Variants in CALCR observed in about 807,000 individuals in gnomAD.
CALCR encodes calcitonin receptor.
Under a neutral mutation model 59.5 loss-of-function variants are expected in CALCR, and 47 were observed. That is an observed-to-expected ratio of 0.79 (90% CI 0.63 to 1.01). The LOEUF (loss-of-function observed/expected upper bound fraction) is 1.01. Ranked by LOEUF, CALCR falls within the 50% of genes least tolerant of loss-of-function variation. The pLI, the probability that CALCR is intolerant of heterozygous loss-of-function variation, is 0.00. For missense variants in CALCR, 566 were observed against 597.1 expected (o/e 0.95, Z 0.54); for synonymous variants, 213 against 211.3 (o/e 1.01, Z -0.07).
intron 2 of CALCR, among the ~76,000 whole-genome samples, chr7:93,561,024 C>T (rs555804543): frequency 5.2e-4 from 79 of 152,216 alleles, no homozygotes; most frequent in East Asian, 1.9e-4. Flanking sequence ...TTACAATCCA[C>T]GAAATAATCC....
chr7:93,525,968 T>C (rs924862127), intron 2 of CALCR, among the ~76,000 whole-genome samples: 5 of 152,184 alleles, frequency 3.3e-5, no homozygotes, highest in African/African-American at 1.2e-4. Flanking sequence ...CACTATCACT[T>C]GTAGACATTT....
chr7:93,442,741 G>A (rs1799933853), intron 9 of CALCR, among the ~76,000 whole-genome samples: 3 of 152,202 alleles, frequency 2.0e-5, no homozygotes, highest in Admixed American at 2.0e-4. Context: ...ATCATGTGGG[G>A]TGGATGTGGT....
chr7:93,553,366 C>T (rs753028094), intron 2 of CALCR, among the ~76,000 whole-genome samples: 6 of 152,034 alleles, frequency 3.9e-5, no homozygotes, highest in Non-Finnish European at 5.9e-5. Flanking sequence ...GGACAGGATC[C>T]TTTAACAGAC....
intron 8 of CALCR, among the ~76,000 whole-genome samples, chr7:93,456,720 A>G (rs1230067370): frequency 6.6e-6 from 1 of 152,144 alleles, no homozygotes; most frequent in African/African-American, 2.4e-5. Flanking sequence ...TAAAACCAGC[A>G]AGTCTGTTAG....
intron 2 of CALCR, among the ~76,000 whole-genome samples, chr7:93,487,809 T>C (rs1800981771): frequency 6.6e-6 from 1 of 151,270 alleles, no homozygotes; most frequent in Non-Finnish European, 1.5e-5. Flanking sequence ...TTGCACTATA[T>C]CTACTGTATT....
intron 2 of CALCR, among the ~76,000 whole-genome samples, chr7:93,548,891 T>C (rs998573420): frequency 6.6e-6 from 1 of 150,714 alleles, no homozygotes; most frequent in South Asian, 2.1e-4. Flanking sequence ...TGTGTGTGTG[T>C]ATGAATTTCA....
chr7:93,427,109 G>A (rs953843278), intron 13 of CALCR, among the ~76,000 whole-genome samples: 1 of 152,204 alleles, frequency 6.6e-6, no homozygotes, highest in Non-Finnish European at 1.5e-5. Flanking sequence ...TCTGGTTAAT[G>A]CCATGACAAC....
intron 2 of CALCR, among the ~76,000 whole-genome samples, chr7:93,542,832 T>C (rs913921790): frequency 2.6e-5 from 4 of 152,146 alleles, no homozygotes; most frequent in Non-Finnish European, 4.4e-5. Context: ...TTTTCTACCT[T>C]CATATCTTAT....
chr7:93,522,583 ATTATTTCTACAATAAT>A (rs1801787437), intron 2 of CALCR, among the ~76,000 whole-genome samples: 1 of 152,182 alleles, frequency 6.6e-6, no homozygotes, highest in South Asian at 2.1e-4. Context: ...GCAGGGTAAA[ATTATTTCTACAATAAT>A]TTATTTCTAC....
intron 6 of CALCR, among the ~76,000 whole-genome samples, chr7:93,470,143 C>G (rs911548777): frequency 6.6e-6 from 1 of 151,674 alleles, no homozygotes; most frequent in Non-Finnish European, 1.5e-5. Flanking sequence ...ATACCACTCT[C>G]TTAATAGCAC....
At chr7:93,515,293 A>C (rs1179037513) in intron 2 of CALCR, among the ~76,000 whole-genome samples, 1 of 152,018 alleles carries the variant, frequency 6.6e-6, no homozygotes, top group African/African-American at 2.4e-5. Context: ...TGAAGCAAAC[A>C]GCATGAAGTT....
At position 93,508,816 on chromosome 7, in the gene CALCR, T is replaced by C. The variant is rs1801483001; in HGVS notation, c.-26-21809A>G. Among the ~76,000 whole-genome samples the C allele has an allele frequency of 2.6e-5, 4 of 152,142 alleles. No homozygotes were observed. In the South Asian group the frequency reaches 8.3e-4, roughly 31 times the overall value. ...GAGGAAGTGGGAGATTTGGAATTTATACTTGGTCTGTAAGATCTTACTGTC... is the reference window on the plus strand; with the variant it reads ...GAGGAAGTGGGAGATTTGGAATTTACACTTGGTCTGTAAGATCTTACTGTC... On this transcript the variant is annotated intron_variant, in intron 2 of 13. Transcript: ENST00000426151.
intron 2 of CALCR, among the ~76,000 whole-genome samples, chr7:93,505,955 C>T (rs1255518757): frequency 6.6e-6 from 1 of 152,142 alleles, no homozygotes; most frequent in East Asian, 1.9e-4. Context: ...GTAAACATCA[C>T]ACCTGGTCCA....
At chr7:93,442,300 T>C (rs1185715758) in intron 9 of CALCR, among the ~76,000 whole-genome samples, 2 of 152,178 alleles carry the variant, frequency 1.3e-5, no homozygotes, top group Non-Finnish European at 2.9e-5. Context: ...AACCAAATAA[T>C]TGTAGCATCA....
intron 2 of CALCR, among the ~76,000 whole-genome samples, chr7:93,543,663 A>C (rs1203211572): frequency 7.8e-6 from 1 of 128,008 alleles, no homozygotes; most frequent in Non-Finnish European, 1.9e-5. Context: ...ATATATATAT[A>C]TACACACACA....
intron 2 of CALCR, among the ~76,000 whole-genome samples, chr7:93,569,798 G>A (rs182618534): frequency 6.6e-6 from 1 of 152,196 alleles, no homozygotes; most frequent in Non-Finnish European, 1.5e-5. Flanking sequence ...TACATTTTAA[G>A]GATGAAGGAA....
chr7:93,550,642 A>G (rs370920713), intron 2 of CALCR, among the ~76,000 whole-genome samples: 16 of 62,580 alleles, frequency 2.6e-4, no homozygotes, highest in African/African-American at 9.5e-4. Context: ...CACACACACG[A>G]GAGACAGAGT....
chr7:93,573,331 G>C (rs991629333), intron 2 of CALCR, among the ~76,000 whole-genome samples: 2 of 152,126 alleles, frequency 1.3e-5, no homozygotes, highest in Non-Finnish European at 2.9e-5. Context: ...TTAAAGATTA[G>C]CTTTAAGAAC....
chr7:93,455,707 C>T (rs184665119), intron 8 of CALCR, among the ~76,000 whole-genome samples: 103 of 152,112 alleles, frequency 6.8e-4, no homozygotes, highest in African/African-American at 2.4e-3. Flanking sequence ...TGTTTATCCC[C>T]TTCATAATGA....
Sources: allele counts gnomAD v4.1 joint callset (sites outside exome capture counted in the v4.1 genomes callset), GRCh38; gene constraint gnomAD v4.1.1; transcripts MANE v1.5; gene names NCBI Gene and HGNC (gene_info 2026-07-23, HGNC 2026-07-21).